Variants in COLGALT2 observed in about 807,000 individuals in gnomAD.
COLGALT2 encodes the protein collagen beta(1-O)galactosyltransferase 2.
Under a neutral mutation model 73.4 loss-of-function variants are expected in COLGALT2, and 49 were observed. That is an observed-to-expected ratio of 0.67 (90% CI 0.53 to 0.85). The LOEUF (loss-of-function observed/expected upper bound fraction) is 0.85, where lower values mean the gene tolerates loss of function less well. COLGALT2 is among the 40% of genes least tolerant of loss of function. The pLI, the probability that COLGALT2 is intolerant of heterozygous loss-of-function variation, is 0.00. For missense variants in COLGALT2, 722 were observed against 790.2 expected, an observed-to-expected ratio of 0.91 and a Z score of 1.03; for synonymous variants, 295 against 307.6, an observed-to-expected ratio of 0.96 and a Z score of 0.43.
At chr1:183,944,088 G>T in intron 10 of COLGALT2, 108 bp downstream of exon 10, 1 of 1,258,898 alleles carries the variant, frequency 7.9e-7, no homozygotes, top group Non-Finnish European at 1.1e-6. Flanking sequence ...CTAGATAAGT[G>T]GAAGCTTAAG....
intron 1 of COLGALT2, among the ~76,000 whole-genome samples, chr1:184,005,367 G>C (rs1271823964): frequency 6.6e-6 from 1 of 152,194 alleles, no homozygotes; most frequent in Non-Finnish European, 1.5e-5. Context: ...ATCTCTCCTA[G>C]TTGCTAAGTT....
chr1:183,957,567 C>T (rs1670586080), intron 6 of COLGALT2, among the ~76,000 whole-genome samples: 1 of 152,170 alleles, frequency 6.6e-6, no homozygotes, highest in African/African-American at 2.4e-5. Flanking sequence ...ACCCACTATG[C>T]CTGGGCTGTT....
chr1:183,993,552 CA>C (rs1175712759), intron 1 of COLGALT2, among the ~76,000 whole-genome samples: 1 of 152,032 alleles, frequency 6.6e-6, no homozygotes, highest in Admixed American at 6.5e-5. Context: ...CTTTCAGACC[CA>C]AAAAAGGACC....
At chr1:184,013,052 C>G (rs1201743462) in intron 1 of COLGALT2, among the ~76,000 whole-genome samples, 1 of 152,162 alleles carries the variant, frequency 6.6e-6, no homozygotes, top group African/African-American at 2.4e-5. Context: ...CGGTGGCTCA[C>G]GCCTGTAATC....
In COLGALT2 at chr1:183,994,758, C is replaced by A. The variant is rs1572664000; in HGVS notation, c.264-16238G>T. 4.6e-5 allele frequency among the ~76,000 whole-genome samples: 7 copies of A among 152,232 alleles called. 1 individual carries two copies. In the South Asian group the frequency reaches 1.4e-3, roughly 32 times the overall value. The stretch of plus-strand genomic sequence containing the variant: ...TGTGAGCCACTGCGCCTGGCCTTAA[C>A]CTGCAAATTAAAGGTGAATTTTCAA... On this transcript the variant is annotated intron_variant, in intron 1 of 11. Transcript: ENST00000361927.
At chr1:183,945,644 C>G in intron 8 of COLGALT2, 80 bp from the exon 9 acceptor site, 1 of 1,497,964 alleles carries the variant, frequency 6.7e-7, no homozygotes, top group Non-Finnish European at 9.1e-7. Context: ...AGAGTTAGTT[C>G]TGCAAACACC....
chr1:183,938,010 C>T lies in COLGALT2; in HGVS notation c.*751G>A. 2.0e-6 allele frequency: 2 copies of T among 985,364 alleles called. No homozygotes were observed. The highest frequency in any genetic ancestry group is 1.2e-6 in the Non-Finnish European group (1 of 829,946). The allele number at this position is 985,364 out of a possible 1,614,324, so 61.0% of individuals were successfully genotyped here. On this transcript the variant is annotated 3_prime_UTR_variant, in exon 12 of 12. Coordinates refer to ENST00000361927, the MANE Select transcript of COLGALT2 (RefSeq NM_015101.4). ...AATAGAGCATCCTGACTCGAGTGGCCATAATAAAAAAGCCAAACATTGAGT... is the reference window on the plus strand; with the variant it reads ...AATAGAGCATCCTGACTCGAGTGGCTATAATAAAAAAGCCAAACATTGAGT...
intron 1 of COLGALT2, among the ~76,000 whole-genome samples, chr1:184,032,353 G>T (rs1649539239): frequency 6.6e-6 from 1 of 152,182 alleles, no homozygotes; most frequent in Non-Finnish European, 1.5e-5. Flanking sequence ...AACTATCATT[G>T]TTAGTAGCAT....
At chr1:184,013,011 T>A (rs1304016285) in intron 1 of COLGALT2, among the ~76,000 whole-genome samples, 1 of 152,142 alleles carries the variant, frequency 6.6e-6, no homozygotes, top group Non-Finnish European at 1.5e-5. Context: ...TAATTAAGAA[T>A]AGTTATAAGA....
chr1:183,951,318 C>T (rs16861796), intron 7 of COLGALT2, among the ~76,000 whole-genome samples: 4,729 of 152,258 alleles, frequency 0.031, 213 homozygotes, highest in African/African-American at 0.1. Context: ...CTCAACTCTT[C>T]GTAGTGACTT....
At chr1:184,026,357 AC>A (rs1649331345) in intron 1 of COLGALT2, among the ~76,000 whole-genome samples, 1 of 152,148 alleles carries the variant, frequency 6.6e-6, no homozygotes, top group East Asian at 1.9e-4. Flanking sequence ...AAACTTAAGA[AC>A]TTTATTGTAG....
intron 8 of COLGALT2, among the ~76,000 whole-genome samples, chr1:183,949,320 T>A (rs562519005): frequency 6.6e-6 from 1 of 152,202 alleles, no homozygotes; most frequent in Non-Finnish European, 1.5e-5. Context: ...GAAGGACTCA[T>A]ACTTCTTAAA....
At chr1:183,971,874 G>A (rs1210531008) in intron 4 of COLGALT2, among the ~76,000 whole-genome samples, 1 of 152,178 alleles carries the variant, frequency 6.6e-6, no homozygotes, top group Non-Finnish European at 1.5e-5. Flanking sequence ...ATCATCAAGT[G>A]GCTATACTGC....
At chr1:184,014,051 A>G (rs560403033) in intron 1 of COLGALT2, among the ~76,000 whole-genome samples, 2 of 152,338 alleles carry the variant, frequency 1.3e-5, no homozygotes, top group South Asian at 2.1e-4. Flanking sequence ...GACCATTCAC[A>G]TGAAAATGTC....
At chr1:183,961,016 A>T (rs1670684704) in intron 6 of COLGALT2, among the ~76,000 whole-genome samples, 3 of 152,176 alleles carry the variant, frequency 2.0e-5, no homozygotes, top group African/African-American at 7.2e-5. Context: ...GACTGATAGG[A>T]TTTTGTCATT....
chr1:183,941,197 T>G (rs1670098079), intron 10 of COLGALT2, among the ~76,000 whole-genome samples: 1 of 152,190 alleles, frequency 6.6e-6, no homozygotes, highest in African/African-American at 2.4e-5. Flanking sequence ...GTGTCAGCCT[T>G]GGATGCCTTC....
At chr1:184,013,581 G>A (rs775430903) in intron 1 of COLGALT2, among the ~76,000 whole-genome samples, 4 of 152,170 alleles carry the variant, frequency 2.6e-5, no homozygotes, top group South Asian at 2.1e-4. Context: ...AGGACGGGGC[G>A]GGAGAAACTG....
chr1:183,998,993 A>G (rs1671844040), intron 1 of COLGALT2, among the ~76,000 whole-genome samples: 1 of 152,126 alleles, frequency 6.6e-6, no homozygotes, highest in Admixed American at 6.5e-5. Context: ...CTACATACAT[A>G]CATAATGATT....
At chr1:184,015,833 C>G (rs1038176931) in intron 1 of COLGALT2, among the ~76,000 whole-genome samples, 1 of 152,162 alleles carries the variant, frequency 6.6e-6, no homozygotes, top group Non-Finnish European at 1.5e-5. Flanking sequence ...AAGCTATCTA[C>G]GTGAAACTAT....
Sources: allele counts gnomAD v4.1 joint callset (sites outside exome capture counted in the v4.1 genomes callset), GRCh38; gene constraint gnomAD v4.1.1; transcripts MANE v1.5; gene names NCBI Gene and HGNC (gene_info 2026-07-23, HGNC 2026-07-21).